The following RAB3GAP1 variants were observed in gnomAD, a reference collection of about 807,000 sequenced individuals.
RAB3GAP1 encodes the protein RAB3 GTPase activating protein catalytic subunit 1.
In RAB3GAP1, 86 loss-of-function variants were observed where a neutral mutation model predicts 130.7. That is an observed-to-expected ratio of 0.66 (90% CI 0.55 to 0.79). The LOEUF (loss-of-function observed/expected upper bound fraction) is 0.79, where lower values mean the gene tolerates loss of function less well. Among genes scored for constraint, RAB3GAP1 ranks in the 30% least tolerant of loss-of-function variants. The pLI, the probability that RAB3GAP1 is intolerant of heterozygous loss-of-function variation, is 0.00. For synonymous variants in RAB3GAP1, 367 were observed against 401.7 expected (o/e 0.91, Z 1.03); for missense variants, 1,029 against 1,169.4 (o/e 0.88, Z 1.75).
At chr2:135,133,521 T>A (rs1276732039) in intron 14 of RAB3GAP1, among the ~76,000 whole-genome samples, 1 of 152,146 alleles carries the variant, frequency 6.6e-6, no homozygotes, top group Non-Finnish European at 1.5e-5. Context: ...ATAGTTATGA[T>A]TTTTGTTTTT....
intron 3 of RAB3GAP1, among the ~76,000 whole-genome samples, chr2:135,080,187 G>A (rs1437425348): frequency 1.3e-5 from 2 of 152,170 alleles, no homozygotes; most frequent in Non-Finnish European, 2.9e-5. Flanking sequence ...ATGCACAGGG[G>A]TACACACACA....
At chr2:135,117,379 T>C (rs191883658) in intron 7 of RAB3GAP1, among the ~76,000 whole-genome samples, 85 of 150,672 alleles carry the variant, frequency 5.6e-4, no homozygotes, top group African/African-American at 2.0e-3. Flanking sequence ...TAGATCAAGT[T>C]TCTGGTCACA....
chr2:135,162,323 G>T, intron 19 of RAB3GAP1: 1 of 491,464 alleles, frequency 2.0e-6, no homozygotes, highest in Admixed American at 3.2e-5. Context: ...TTCCTTATTT[G>T]TGTGTATTAC....
chr2:135,112,569 A>G (rs1461477360), intron 5 of RAB3GAP1, among the ~76,000 whole-genome samples: 1 of 152,056 alleles, frequency 6.6e-6, no homozygotes, highest in Non-Finnish European at 1.5e-5. Flanking sequence ...CACCTCTCCC[A>G]CCACACACCT....
rs746082083 is a variant in RAB3GAP1, at chr2:135,090,996, A to T, written c.151-2A>T. On this transcript the variant is annotated splice_acceptor_variant, in intron 3 of 23. Transcript: ENST00000264158. LOFTEE classifies it high-confidence loss of function. ...ATTTTGCCATTTTATTGGTACATATAGGGTATATTTACTTCTGGCACATGG... is the reference window on the plus strand; with the variant it reads ...ATTTTGCCATTTTATTGGTACATATTGGGTATATTTACTTCTGGCACATGG... 9.3e-6 allele frequency: 15 copies of T among 1,611,448 alleles called. No homozygotes were observed. The highest frequency in any genetic ancestry group is 1.1e-5 in the Non-Finnish European group (13 of 1,177,840).
chr2:135,057,746 C>T (rs914004744), intron 2 of RAB3GAP1, among the ~76,000 whole-genome samples: 1 of 152,168 alleles, frequency 6.6e-6, no homozygotes, highest in African/African-American at 2.4e-5. Context: ...AGAGATTCAT[C>T]AATTCTTAAT....
chr2:135,150,631 G>C, intron 18 of RAB3GAP1, 125 bp downstream of exon 18: 1 of 1,228,030 alleles, frequency 8.1e-7, no homozygotes, highest in Admixed American at 1.9e-5. Flanking sequence ...GATTTCATTA[G>C]TAGTTCAACA....
At position 135,157,521 on chromosome 2, in the gene RAB3GAP1, G is replaced by A. The variant is rs538301765; in HGVS notation, c.2289+3645G>A. On this transcript the variant is annotated intron_variant, in intron 19 of 23. Transcript: ENST00000264158. Reference sequence around the variant, plus strand: ...GTTTGACTGTATACTGTCAGTTGTGGTGGGGGATGGGACTGCAAGAAAAAT... The same window carrying A: ...GTTTGACTGTATACTGTCAGTTGTGATGGGGGATGGGACTGCAAGAAAAAT... Among the ~76,000 whole-genome samples, 16 of 152,238 alleles carry A rather than the reference G, an allele frequency of 1.1e-4. No individual in the cohort carries two copies. The East Asian group carries it at 2.9e-3, about 28-fold the overall frequency.
rs964342917 is a variant in RAB3GAP1, at chr2:135,135,207, A to G, written c.1500-58A>G. 4.3e-5 allele frequency: 58 copies of G among 1,350,566 alleles called. No homozygotes were observed. The East Asian group carries it at 1.3e-3, about 30-fold the overall frequency. 83.7% of individuals were successfully genotyped at this position (1,350,566 alleles called of 1,614,324 possible). A position where few individuals can be genotyped will look rare whatever the true frequency, so the allele number is the denominator to read the frequency against. On this transcript the variant is annotated intron_variant, in intron 15 of 23. Coordinates refer to ENST00000264158, the MANE Select transcript of RAB3GAP1 (RefSeq NM_012233.3). ...AATTATGGTAGTATAGAAAATAATC[A>G]TATCTGAAGCAATTTTACTAAAACT...
rs775867093 is a variant in RAB3GAP1 at position 135,162,813 on chromosome 2, G to A, written c.2452G>A (p.Val818Ile). ...IKQIISHSSK[V>I]LHFPNPEDKK... ...GCAGATAATATCCCATTCCAGTAAA[G>A]TTTTGCACTTCCCCAATCCAGAAGA... The change falls in exon 21 of 24, where the codon GTT becomes ATT. Residue 818 changes from valine (V) to isoleucine (I), a missense_variant. This residue lies in a region of RAB3GAP1 where 373 missense variants were observed against 493.6 expected (regional missense o/e 0.76). Transcript: ENST00000264158. 1.2e-6 allele frequency: 2 copies of A among 1,613,592 alleles called. No homozygotes were observed. Among genetic ancestry groups the A allele is most frequent in the Non-Finnish European group, 8.5e-7 (1 of 1,179,620 alleles).
At chr2:135,136,130 A>G (rs1691674724) in intron 17 of RAB3GAP1, among the ~76,000 whole-genome samples, 198 bp downstream of exon 17, 3 of 152,186 alleles carry the variant, frequency 2.0e-5, no homozygotes, top group Admixed American at 2.0e-4. Flanking sequence ...GTTCAAGATA[A>G]GTCTGGCCAA....
At chr2:135,113,950 A>G (rs1033431361) in intron 6 of RAB3GAP1, among the ~76,000 whole-genome samples, 2 of 151,494 alleles carry the variant, frequency 1.3e-5, no homozygotes, top group Admixed American at 6.6e-5. Flanking sequence ...GGGTTTCACT[A>G]TGTTGGCCAG....
At chr2:135,072,478 T>C (rs1369219965) in intron 3 of RAB3GAP1, among the ~76,000 whole-genome samples, 1 of 152,242 alleles carries the variant, frequency 6.6e-6, no homozygotes. Flanking sequence ...TTGGGTAACC[T>C]GGAAGTTAAA....
At chr2:135,160,674 C>CAAA (rs59034119) in intron 19 of RAB3GAP1, among the ~76,000 whole-genome samples, 6 of 33,864 alleles carry the variant, frequency 1.8e-4, no homozygotes, top group Admixed American at 3.4e-4. Context: ...GACCCTGTCT[C>CAAA]AAAAAAAAAA....
chr2:135,109,322 A>G (rs1229667866), intron 5 of RAB3GAP1, among the ~76,000 whole-genome samples: 3 of 151,928 alleles, frequency 2.0e-5, no homozygotes, highest in Non-Finnish European at 4.4e-5. Flanking sequence ...ATATTTCTTT[A>G]TTATGTGTGT....
At position 135,158,457 on chromosome 2, in the gene RAB3GAP1, A is replaced by G. The variant is rs933707282; in HGVS notation, c.2290-4098A>G. Reference sequence around the variant, plus strand: ...AAATCTGGGACAATTTTGAGTTGTAAATATTTAAGGACAGGAATGATTATA... The same window carrying G: ...AAATCTGGGACAATTTTGAGTTGTAGATATTTAAGGACAGGAATGATTATA... On this transcript the variant is annotated intron_variant, in intron 19 of 23. Transcript: ENST00000264158. Among the ~76,000 whole-genome samples the G allele has an allele frequency of 3.3e-5, 5 of 152,306 alleles. 1 individual carries two copies. The South Asian group carries it at 1.0e-3, about 32-fold the overall frequency.
At chr2:135,165,259 A>G in intron 23 of RAB3GAP1, 2 of 413,374 alleles carry the variant, frequency 4.8e-6, no homozygotes, top group Non-Finnish European at 4.7e-6. Context: ...TACCTCTAGT[A>G]GTGAAAGTAA....
At chr2:135,109,143 TTGG>T (rs113500625) in intron 5 of RAB3GAP1, among the ~76,000 whole-genome samples, 6,863 of 152,154 alleles carry the variant, frequency 0.045, 520 homozygotes, top group African/African-American at 0.16. Context: ...CAATATTTTA[TTGG>T]CTACTTTGAG....
At chr2:135,166,898 C>G (rs561437199) in intron 23 of RAB3GAP1, among the ~76,000 whole-genome samples, 136 of 152,252 alleles carry the variant, frequency 8.9e-4, no homozygotes, top group African/African-American at 3.2e-3. Flanking sequence ...TGAAATTGTA[C>G]ATCCATCTAC....
Sources: gnomAD v4.1 joint callset for allele counts (sites outside exome capture counted in the v4.1 genomes callset) on GRCh38, gnomAD v4.1.1 for gene constraint, gnomAD v4.1.1 regional missense constraint, MANE v1.5 for transcripts, NCBI Gene and HGNC (gene_info 2026-07-23, HGNC 2026-07-21) for gene names.